The following VSTM4 variants were observed in gnomAD, a reference collection of about 807,000 sequenced individuals.
The protein encoded by VSTM4 is V-set and transmembrane domain-containing protein 4.
VSTM4 carries 20 observed loss-of-function variants against 36.4 expected under a neutral mutation model. The ratio of observed to expected loss-of-function variants is 0.55; its 90% CI spans 0.39 to 0.80. The LOEUF is 0.80. Ranked by LOEUF, VSTM4 falls within the 30% of genes least tolerant of loss-of-function variation. The pLI is 0.00. For synonymous variants in VSTM4, 182 were observed against 173.9 expected (o/e 1.05, Z -0.37); for missense variants, 392 against 404.5 (o/e 0.97, Z 0.26).
intron 2 of VSTM4, among the ~76,000 whole-genome samples, chr10:49,105,006 G>C (rs1156702974): frequency 3.0e-4 from 9 of 30,294 alleles, no homozygotes; most frequent in African/African-American, 1.6e-3. Flanking sequence ...GACAGAGAGA[G>C]AGACAGAGAG....
At chr10:49,071,245 C>CAGTTTTTAA in intron 4 of VSTM4, among the ~76,000 whole-genome samples, 1 of 152,362 alleles carries the variant, frequency 6.6e-6, no homozygotes, top group African/African-American at 2.4e-5. Flanking sequence ...CATTTAAAAG[C>CAGTTTTTAA]TCAGACACAG....
At chr10:49,092,790 G>T (rs1178960310) in intron 2 of VSTM4, among the ~76,000 whole-genome samples, 1 of 152,182 alleles carries the variant, frequency 6.6e-6, no homozygotes, top group Non-Finnish European at 1.5e-5. Flanking sequence ...ACATCGAGAG[G>T]AGCACGTCAC....
At chr10:49,088,515 T>C (rs1590120646) in intron 2 of VSTM4, among the ~76,000 whole-genome samples, 1 of 152,242 alleles carries the variant, frequency 6.6e-6, no homozygotes, top group East Asian at 1.9e-4. Flanking sequence ...CATGTGGTTA[T>C]TGTGAGCCCT....
At chr10:49,094,052 A>G (rs1028779727) in intron 2 of VSTM4, among the ~76,000 whole-genome samples, 1 of 152,112 alleles carries the variant, frequency 6.6e-6, no homozygotes, top group East Asian at 1.9e-4. Context: ...CGGCCGTCAT[A>G]GTTACTCTTA....
chr10:49,062,789 T>C (rs1843902940), intron 5 of VSTM4, among the ~76,000 whole-genome samples: 1 of 152,202 alleles, frequency 6.6e-6, no homozygotes, highest in Admixed American at 6.5e-5. Flanking sequence ...TTTTGTTTGT[T>C]TTTAGTCTAT....
Position 49,105,683 on chromosome 10 carries a change from A to T in VSTM4, c.457+1911T>A, listed in dbSNP as rs1202257992. On this transcript the variant is annotated intron_variant, in intron 2 of 7. Coordinates refer to ENST00000332853, the MANE Select transcript of VSTM4 (RefSeq NM_001031746.5). ...AGATTCACGTTAACCAACAAGCTAA[A>T]TGACTCTGCTTACTTGAAGGTAGCA... 2.6e-5 allele frequency among the ~76,000 whole-genome samples: 4 copies of T among 152,308 alleles called. No homozygotes were observed. In the East Asian group the frequency reaches 5.8e-4, roughly 22 times the overall value.
intron 4 of VSTM4, among the ~76,000 whole-genome samples, chr10:49,073,582 G>A (rs912076534): frequency 1.3e-5 from 2 of 152,178 alleles, no homozygotes; most frequent in African/African-American, 4.8e-5. Flanking sequence ...CCAATTCAAT[G>A]GACCTGGGAA....
chr10:49,085,147 C>G (rs895577036), intron 3 of VSTM4, among the ~76,000 whole-genome samples: 2 of 152,242 alleles, frequency 1.3e-5, no homozygotes, highest in Non-Finnish European at 2.9e-5. Context: ...ATTTCTGATT[C>G]TATAAGCTAG....
chr10:49,080,810 G>C (rs1844265110), intron 3 of VSTM4, among the ~76,000 whole-genome samples: 1 of 152,238 alleles, frequency 6.6e-6, no homozygotes, highest in African/African-American at 2.4e-5. Flanking sequence ...CTGTCAGTAG[G>C]CTGGTGGGGG....
intron 3 of VSTM4, among the ~76,000 whole-genome samples, chr10:49,081,119 G>A (rs1401505413): frequency 6.6e-6 from 1 of 152,158 alleles, no homozygotes; most frequent in African/African-American, 2.4e-5. Context: ...AGGATCCCAG[G>A]GCACAGGATG....
intron 7 of VSTM4, among the ~76,000 whole-genome samples, chr10:49,025,259 G>A (rs1011330139): frequency 2.0e-5 from 3 of 152,152 alleles, no homozygotes; most frequent in Non-Finnish European, 2.9e-5. Context: ...CATAAGTCAA[G>A]GTGAGGACAG....
intron 5 of VSTM4, among the ~76,000 whole-genome samples, chr10:49,059,748 T>TA (rs1182875383): frequency 1.3e-5 from 2 of 152,270 alleles, no homozygotes; most frequent in African/African-American, 4.8e-5. Context: ...TGACGTACCA[T>TA]AAAATGTACT....
chr10:49,089,230 G>A (rs1844428586), intron 2 of VSTM4, among the ~76,000 whole-genome samples: 2 of 152,160 alleles, frequency 1.3e-5, no homozygotes, highest in African/African-American at 4.8e-5. Flanking sequence ...GCTCAGAACA[G>A]TGCCTGAGAC....
intron 5 of VSTM4, among the ~76,000 whole-genome samples, chr10:49,056,744 G>A (rs1258784570): frequency 1.3e-5 from 2 of 152,240 alleles, no homozygotes; most frequent in Admixed American, 6.5e-5. Context: ...CTAGTTAAGT[G>A]AGCTGCAAGA....
At chr10:49,075,738 T>C (rs1302932263) in intron 4 of VSTM4, among the ~76,000 whole-genome samples, 1 of 152,200 alleles carries the variant, frequency 6.6e-6, no homozygotes, top group Non-Finnish European at 1.5e-5. Flanking sequence ...TTGTGGAGCA[T>C]GCTGGAGTTC....
chr10:49,019,730 T>C lies in VSTM4; in HGVS notation c.883A>G (p.Ile295Val). The C allele has an allele frequency of 6.2e-7, 1 of 1,613,994 alleles. No homozygotes were observed. The highest frequency in any genetic ancestry group is 1.7e-4 in the Middle Eastern group (1 of 6,016). ...CCTTTGGCAGCCCGGTGGGGTTTGATCAGCTCCAGTTCGGCATAGGTTAAG... is the reference window on the plus strand; with the variant it reads ...CCTTTGGCAGCCCGGTGGGGTTTGACCAGCTCCAGTTCGGCATAGGTTAAG... Reference protein sequence around the residue: ...ENLTYAELELIKPHRAAKGAP... With the variant: ...ENLTYAELELVKPHRAAKGAP... Residue 295 changes from isoleucine to valine, a missense_variant, in exon 8 of 8, where the codon ATC (isoleucine) becomes GTC (valine). Coordinates refer to ENST00000332853, the MANE Select transcript of VSTM4 (RefSeq NM_001031746.5).
At chr10:49,086,978 A>C (rs1844381509) in intron 2 of VSTM4, among the ~76,000 whole-genome samples, 1 of 152,236 alleles carries the variant, frequency 6.6e-6, no homozygotes, top group African/African-American at 2.4e-5. Flanking sequence ...AGAGACAAGA[A>C]ATACGGCAAA....
intron 2 of VSTM4, chr10:49,103,437 G>T (rs374585151): frequency 2.5e-6 from 2 of 807,286 alleles, no homozygotes; most frequent in Non-Finnish European, 3.1e-6. Flanking sequence ...TAGAGATATG[G>T]TAAGTCATTT....
intron 4 of VSTM4, among the ~76,000 whole-genome samples, chr10:49,069,952 G>A (rs1048545671): frequency 7.0e-6 from 1 of 143,770 alleles, no homozygotes; most frequent in Non-Finnish European, 1.5e-5. Flanking sequence ...CCACACCTTA[G>A]CATAAAAAAA....
Sources: gnomAD v4.1 joint callset for allele counts (sites outside exome capture counted in the v4.1 genomes callset) on GRCh38, gnomAD v4.1.1 for gene constraint, MANE v1.5 for transcripts, NCBI Gene and HGNC (gene_info 2026-07-23, HGNC 2026-07-21) for gene names.